Variants in ZNF85 observed in about 807,000 individuals in gnomAD.
ZNF85 encodes zinc finger protein 85, also known as zinc finger protein 85 (HPF4, HTF1).
In ZNF85, 50 loss-of-function variants were observed where a neutral mutation model predicts 53.9. That is an observed-to-expected ratio of 0.93 (90% confidence interval 0.74 to 1.17). The LOEUF is 1.17. Among genes scored for constraint, ZNF85 ranks in the 50% most tolerant of loss-of-function variants. The pLI, the probability that ZNF85 is intolerant of heterozygous loss-of-function variation, is 0.00. For missense variants in ZNF85, 747 were observed against 688.5 expected, an observed-to-expected ratio of 1.08 and a Z score of -0.95; for synonymous variants, 225 against 226.1, an observed-to-expected ratio of 1.00 and a Z score of 0.04.
At chr19:20,924,815 T>G (rs1972842156) in intron 1 of ZNF85, among the ~76,000 whole-genome samples, 1 of 152,200 alleles carries the variant, frequency 6.6e-6, no homozygotes, top group Admixed American at 6.5e-5. Context: ...TAAAAAAATC[T>G]CTGTGTCTCT....
intron 1 of ZNF85, among the ~76,000 whole-genome samples, chr19:20,930,826 G>A (rs547988226): frequency 6.6e-6 from 1 of 152,336 alleles, no homozygotes; most frequent in Non-Finnish European, 1.5e-5. Flanking sequence ...AGACTGGAGT[G>A]CAATGGCACG....
rs1357042067 is a variant in ZNF85, at chr19:20,950,498, G to T, written c.*196G>T. ...GTCTTTAAATGGTTGTCACACTTTA[G>T]GTAAGATAATTCATATTGGAACAAA... On this transcript the variant is annotated 3_prime_UTR_variant, in exon 4 of 4. Coordinates refer to ENST00000328178, the MANE Select transcript of ZNF85 (RefSeq NM_003429.5). 4 of 443,428 alleles carry T rather than the reference G, an allele frequency of 9.0e-6. No individual in the cohort carries two copies. The highest frequency in any genetic ancestry group is 1.6e-5 in the Non-Finnish European group (4 of 256,986). 27.5% of individuals were successfully genotyped at this position (443,428 alleles called of 1,614,324 possible).
In ZNF85 at chr19:20,942,868, TG is replaced by T. The variant is rs765347529; in HGVS notation, c.230-5872del. Reference sequence around the variant, plus strand: ...TTGGCCCACTGCAGCCTCAACCTTCTGGGGTCAAGTGATTGTTCCACCTCAG... The same window carrying T: ...TTGGCCCACTGCAGCCTCAACCTTCTGGGTCAAGTGATTGTTCCACCTCAG... On this transcript the variant is annotated intron_variant, in intron 3 of 3. Coordinates refer to ENST00000328178, the MANE Select transcript of ZNF85 (RefSeq NM_003429.5). 9 of 695,856 alleles carry T rather than the reference TG, an allele frequency of 1.3e-5. No individual in the cohort carries two copies. The South Asian group carries it at 1.4e-4, about 10-fold the overall frequency. The allele number at this position is 695,856 out of a possible 1,614,324, so 43.1% of individuals were successfully genotyped here.
Position 20,950,208 on chromosome 19 carries a change from C to A in ZNF85, c.1694C>A (p.Pro565His), listed in dbSNP as rs896743534. The A allele has an allele frequency of 1.2e-6, 2 of 1,611,476 alleles. No individual in the cohort carries two copies. Among genetic ancestry groups the A allele is most frequent in the Non-Finnish European group, 1.7e-6 (2 of 1,179,126 alleles). ...AAGAGAATTCATACTGGAGAAAAAC[C>A]TTACAAATGTGAAGAATGTGACAAA... ...KHKRIHTGEK[P>H]YKCEECDKAF... The change falls in exon 4 of 4, where the codon CCT becomes CAT. Residue 565 changes from proline to histidine, a missense_variant. Transcript: ENST00000328178.
chr19:20,933,882 C>T (rs1973085903), intron 1 of ZNF85, 142 bp from the exon 2 acceptor site: 4 of 882,630 alleles, frequency 4.5e-6, no homozygotes, highest in African/African-American at 1.8e-5. Context: ...TCCTGTAAGT[C>T]AGAAACAGTT....
intron 1 of ZNF85, among the ~76,000 whole-genome samples, chr19:20,932,917 C>T (rs1337259460): frequency 3.3e-5 from 5 of 151,698 alleles, no homozygotes; most frequent in African/African-American, 7.3e-5. Context: ...AGGATGGGCG[C>T]GGTGGCTCAG....
intron 3 of ZNF85, chr19:20,936,960 T>C (rs111250131): frequency 0.011 from 1,841 of 168,288 alleles, 33 homozygotes; most frequent in African/African-American, 0.034. Flanking sequence ...AGTTTTGCAT[T>C]GGTGTATATG....
chr19:20,942,823 T>C (rs1291675639), intron 3 of ZNF85: 2 of 699,798 alleles, frequency 2.9e-6, no homozygotes, highest in East Asian at 5.4e-5. Context: ...TCACCCAGTC[T>C]GGAATGCAGT....
chr19:20,948,838 A>C lies in ZNF85; in HGVS notation c.324A>C (p.Arg108Ser), dbSNP rs1423382809. ...KVTLKRYGKC[R>S]HENLPLRKGC... is the part of the protein sequence containing the mutation. The stretch of plus-strand genomic sequence containing the variant: ...CACTGAAAAGATATGGAAAATGTAG[A>C]CATGAAAATTTACCATTAAGAAAAG... The change falls in exon 4 of 4, where the codon AGA becomes AGC. Residue 108 changes from arginine to serine, a missense_variant. Arg to Ser is a moderately radical substitution (Grantham distance 110, BLOSUM62 -1). Coordinates refer to ENST00000328178, the MANE Select transcript of ZNF85 (RefSeq NM_003429.5). 6.2e-7 allele frequency: 1 copy of C among 1,612,880 alleles called. No individual in the cohort carries two copies. Among genetic ancestry groups the C allele is most frequent in the Non-Finnish European group, 8.5e-7 (1 of 1,179,624 alleles).
intron 1 of ZNF85, among the ~76,000 whole-genome samples, chr19:20,930,679 C>G (rs894182926): frequency 6.6e-6 from 1 of 152,172 alleles, no homozygotes; most frequent in Non-Finnish European, 1.5e-5. Flanking sequence ...ATGTTGTTGC[C>G]AAATGCAGGC....
intron 1 of ZNF85, among the ~76,000 whole-genome samples, chr19:20,923,616 T>A (rs917795724): frequency 6.6e-6 from 1 of 152,156 alleles, no homozygotes; most frequent in African/African-American, 2.4e-5. Flanking sequence ...GCGCAGTGAC[T>A]GTGCCCTGGA....
Position 20,949,545 on chromosome 19 carries a change from G to C in ZNF85, c.1031G>C (p.Cys344Ser). Residue 344 changes from cysteine (C) to serine (S), a missense_variant, in exon 4 of 4, where the codon TGT becomes TCT. Physicochemically the swap from Cys to Ser is moderately radical, Grantham distance 112 (BLOSUM62 -1). Coordinates refer to ENST00000328178, the MANE Select transcript of ZNF85 (RefSeq NM_003429.5). ...IIHTGEKPYK[C>S]KKCGKAFNQS... ...CATACTGGAGAGAAACCCTACAAAT[G>C]TAAAAAATGTGGAAAAGCCTTTAAC... 1 of 1,612,924 alleles carries C rather than the reference G, an allele frequency of 6.2e-7. No individual in the cohort carries two copies. The highest frequency in any genetic ancestry group is 8.5e-7 in the Non-Finnish European group (1 of 1,179,464).
At chr19:20,934,227 G>A in intron 2 of ZNF85, 77 bp downstream of exon 2, 1 of 1,547,392 alleles carries the variant, frequency 6.5e-7, no homozygotes, top group South Asian at 1.2e-5. Flanking sequence ...TGTTTTTCTG[G>A]TAAAGTGTGC....
intron 3 of ZNF85, 33 bp downstream of exon 3, chr19:20,935,080 A>T: frequency 1.4e-6 from 2 of 1,481,128 alleles, no homozygotes; most frequent in Non-Finnish European, 1.9e-6. Context: ...ACAGCAGATG[A>T]CACATGAGAG....
intron 1 of ZNF85, 79 bp from the exon 2 acceptor site, chr19:20,933,945 C>G: frequency 1.5e-6 from 2 of 1,377,786 alleles, no homozygotes; most frequent in Non-Finnish European, 1.9e-6. Context: ...TTTTCATAAC[C>G]AGTTGGTAAT....
intron 1 of ZNF85, among the ~76,000 whole-genome samples, chr19:20,929,697 G>T (rs1023213681): frequency 7.7e-6 from 1 of 130,626 alleles, no homozygotes; most frequent in African/African-American, 2.8e-5. Flanking sequence ...ATACCCTAGT[G>T]GCATAGAGAA....
chr19:20,936,050 A>C (rs1223733687), intron 3 of ZNF85, among the ~76,000 whole-genome samples: 1 of 152,094 alleles, frequency 6.6e-6, no homozygotes, highest in Non-Finnish European at 1.5e-5. Flanking sequence ...TGTTCTCAGA[A>C]ATTTATTATT....
intron 3 of ZNF85, among the ~76,000 whole-genome samples, chr19:20,942,622 T>C (rs1308724402): frequency 6.6e-6 from 1 of 152,214 alleles, no homozygotes; most frequent in Non-Finnish European, 1.5e-5. Context: ...AAAAATTAAT[T>C]TTTTTGAAAC....
chr19:20,931,732 C>T (rs990900364), intron 1 of ZNF85, among the ~76,000 whole-genome samples: 1 of 151,246 alleles, frequency 6.6e-6, no homozygotes, highest in African/African-American at 2.4e-5. Context: ...TTCAGCCTCC[C>T]GAGTAGTTGG....
Sources: allele counts gnomAD v4.1 joint callset (sites outside exome capture counted in the v4.1 genomes callset), GRCh38; gene constraint gnomAD v4.1.1; transcripts MANE v1.5; gene names NCBI Gene and HGNC (gene_info 2026-07-23, HGNC 2026-07-21).